Variants in SLC24A2 observed in about 807,000 individuals in gnomAD.
The protein encoded by SLC24A2 is solute carrier family 24 member 2.
Under a neutral mutation model 62.0 loss-of-function variants are expected in SLC24A2, and 36 were observed. That is an observed-to-expected ratio of 0.58 (90% CI 0.44 to 0.77). The LOEUF (loss-of-function observed/expected upper bound fraction) is 0.77. Ranked by LOEUF, SLC24A2 falls within the 30% of genes least tolerant of loss-of-function variation. SLC24A2 has a pLI of 0.00. For missense variants in SLC24A2, 846 were observed against 817.9 expected, an observed-to-expected ratio of 1.03 and a Z score of -0.42; for synonymous variants, 358 against 294.0, an observed-to-expected ratio of 1.22 and a Z score of -2.23.
the SLC24A2 span, among the ~76,000 whole-genome samples, chr9:20,154,689 A>G: frequency 2.2e-3 from 330 of 151,638 alleles, 2 homozygotes; most frequent in Non-Finnish European, 3.8e-3. Context: ...AATAAAATGT[A>G]TTGGGCTCCA....
chr9:19,511,791 C>G lies in SLC24A2; in HGVS notation c.*4362G>C, dbSNP rs981305767. The G allele has an allele frequency of 7.2e-5, 11 of 152,136 alleles. No homozygotes were observed. The highest frequency in any genetic ancestry group is 2.7e-4 in the African/African-American group (11 of 41,432). 9.4% of individuals were successfully genotyped at this position (152,136 alleles called of 1,614,324 possible). A position where few individuals can be genotyped will look rare whatever the true frequency, so the allele number is the denominator to read the frequency against. ...GTTTCTTCTGGAACACAGCTGCCAC[C>G]TATAATAGGGCCACCTACTTACCAG... On this transcript the variant is annotated 3_prime_UTR_variant, in exon 11 of 11. Transcript: ENST00000341998.
chr9:19,825,207 T>C, the SLC24A2 span, among the ~76,000 whole-genome samples: 62 of 152,274 alleles, frequency 4.1e-4, no homozygotes, highest in South Asian at 8.3e-4. Context: ...TTAACATCAA[T>C]TCATTTCTAT....
chr9:20,279,909 T>C, the SLC24A2 span, among the ~76,000 whole-genome samples: 350 of 152,110 alleles, frequency 2.3e-3, 2 homozygotes, highest in Non-Finnish European at 2.6e-3. Flanking sequence ...GCTGAGTATT[T>C]ATAAAATTTG....
At chr9:20,015,014 T>G in the SLC24A2 span, among the ~76,000 whole-genome samples, 3 of 152,276 alleles carry the variant, frequency 2.0e-5, no homozygotes, top group African/African-American at 7.2e-5. Context: ...AATTATAGTT[T>G]GTCTATCAAA....
At chr9:19,921,901 C>T in the SLC24A2 span, among the ~76,000 whole-genome samples, 1 of 151,992 alleles carries the variant, frequency 6.6e-6, no homozygotes, top group Non-Finnish European at 1.5e-5. Context: ...TCAAAGTGGC[C>T]AAGAGAGGGG....
the SLC24A2 span, among the ~76,000 whole-genome samples, chr9:20,115,024 G>C: frequency 1.3e-5 from 2 of 152,122 alleles, no homozygotes; most frequent in Admixed American, 1.3e-4. Context: ...TCATAGAGGA[G>C]AGGAAAATGG....
the SLC24A2 span, among the ~76,000 whole-genome samples, chr9:19,849,229 C>T: frequency 6.6e-6 from 1 of 152,128 alleles, no homozygotes; most frequent in Non-Finnish European, 1.5e-5. Context: ...AAAACAAGCA[C>T]ATATAGGGCC....
chr9:19,953,747 G>A, the SLC24A2 span, among the ~76,000 whole-genome samples: 46 of 152,050 alleles, frequency 3.0e-4, no homozygotes, highest in African/African-American at 1.1e-3. Context: ...CACCTGTTAG[G>A]CACTGAACAA....
chr9:20,182,730 T>C, the SLC24A2 span, among the ~76,000 whole-genome samples: 2 of 152,130 alleles, frequency 1.3e-5, no homozygotes, highest in Non-Finnish European at 2.9e-5. Context: ...CATGTATACC[T>C]ACGTAACAAA....
chr9:20,066,907 G>A, the SLC24A2 span, among the ~76,000 whole-genome samples: 1 of 152,090 alleles, frequency 6.6e-6, no homozygotes, highest in Non-Finnish European at 1.5e-5. Context: ...TGTTTGGAGT[G>A]ATCTAGGTCC....
Position 19,516,014 on chromosome 9 carries a change from TCTC to T in SLC24A2, c.*136_*138del. Reference sequence around the variant, plus strand: ...TGAATGGGCCCAGTGTGAATCCATCTCTCCTCAAATTCACCAAGGAGGGACACT... The same window carrying T: ...TGAATGGGCCCAGTGTGAATCCATCTCTCAAATTCACCAAGGAGGGACACT... On this transcript the variant is annotated 3_prime_UTR_variant, in exon 11 of 11. Coordinates refer to ENST00000341998, the MANE Select transcript of SLC24A2 (RefSeq NM_020344.4). 9.6e-7 allele frequency: 1 copy of T among 1,039,896 alleles called. No individual in the cohort carries two copies. Among genetic ancestry groups the T allele is most frequent in the East Asian group, 2.4e-5 (1 of 41,974 alleles). The allele number at this position is 1,039,896 out of a possible 1,614,324, so 64.4% of individuals were successfully genotyped here. A position where few individuals can be genotyped will look rare whatever the true frequency, so the allele number is the denominator to read the frequency against.
the SLC24A2 span, among the ~76,000 whole-genome samples, chr9:19,838,227 A>G: frequency 1.3e-5 from 2 of 152,166 alleles, no homozygotes; most frequent in African/African-American, 4.8e-5. Context: ...AGAGGTATAG[A>G]CCAATGGAAC....
At chr9:19,719,434 C>T (rs1008780388) in intron 2 of SLC24A2, among the ~76,000 whole-genome samples, 2 of 152,168 alleles carry the variant, frequency 1.3e-5, no homozygotes, top group Non-Finnish European at 2.9e-5. Context: ...ACAACACTCT[C>T]AGAGAGGAGT....
the SLC24A2 span, among the ~76,000 whole-genome samples, chr9:19,878,429 G>C: frequency 7.9e-5 from 12 of 152,132 alleles, no homozygotes; most frequent in Non-Finnish European, 1.0e-4. Context: ...ATTATCTTAA[G>C]AAAGCAGAAT....
chr9:20,098,137 G>C, the SLC24A2 span, among the ~76,000 whole-genome samples: 1 of 152,126 alleles, frequency 6.6e-6, no homozygotes, highest in Non-Finnish European at 1.5e-5. Flanking sequence ...AGTAGAGAAG[G>C]TTACTTAGCT....
chr9:20,298,492 G>A, the SLC24A2 span, among the ~76,000 whole-genome samples: 2 of 152,302 alleles, frequency 1.3e-5, no homozygotes, highest in African/African-American at 4.8e-5. Context: ...GCCTCCCAAA[G>A]TGCTGGGATT....
At chr9:19,527,555 T>G (rs1274034923) in intron 9 of SLC24A2, among the ~76,000 whole-genome samples, 2 of 152,222 alleles carry the variant, frequency 1.3e-5, no homozygotes, top group Admixed American at 6.5e-5. Flanking sequence ...TGAGAGTGTA[T>G]TCTTGTGATG....
At chr9:19,618,583 G>T (rs1008771178) in intron 4 of SLC24A2, among the ~76,000 whole-genome samples, 1 of 152,030 alleles carries the variant, frequency 6.6e-6, no homozygotes, top group African/African-American at 2.4e-5. Flanking sequence ...GCCACTCTTG[G>T]GTCACAGATT....
the SLC24A2 span, among the ~76,000 whole-genome samples, chr9:19,801,116 G>T: frequency 6.6e-6 from 1 of 152,216 alleles, no homozygotes; most frequent in Non-Finnish European, 1.5e-5. Flanking sequence ...CCACTTCCAA[G>T]ATGGTGGCAA....
Sources: allele counts gnomAD v4.1 joint callset (sites outside exome capture counted in the v4.1 genomes callset), GRCh38; gene constraint gnomAD v4.1.1; transcripts MANE v1.5; gene names NCBI Gene and HGNC (gene_info 2026-07-23, HGNC 2026-07-21).